AHCY: variants seen among roughly 807,000 people sequenced by gnomAD.
AHCY encodes the protein S-adenosyl-L-homocysteine hydrolase.
In AHCY, 24 loss-of-function variants were observed where a neutral mutation model predicts 45.4. That is an observed-to-expected ratio of 0.53 (90% CI 0.38 to 0.74). The LOEUF (loss-of-function observed/expected upper bound fraction) is 0.74. Ranked by LOEUF, AHCY falls within the 30% of genes least tolerant of loss-of-function variation. The pLI, the probability that AHCY is intolerant of heterozygous loss-of-function variation, is 0.00. For missense variants in AHCY, 449 were observed against 594.1 expected (o/e 0.76, Z 2.54); for synonymous variants, 245 against 235.1 (o/e 1.04, Z -0.39).
chr20:34,282,115 G>GA (rs2036024461), intron 9 of AHCY, among the ~76,000 whole-genome samples: 1 of 145,834 alleles, frequency 6.9e-6, no homozygotes, highest in East Asian at 2.3e-4. Flanking sequence ...CCACCCCACC[G>GA]AGTGATTCCT....
chr20:34,301,571 A>G (rs564155455), intron 1 of AHCY, among the ~76,000 whole-genome samples: 30 of 152,302 alleles, frequency 2.0e-4, no homozygotes, highest in African/African-American at 7.2e-4. Flanking sequence ...AGATAATGCC[A>G]TATGATCAAG....
intron 1 of AHCY, among the ~76,000 whole-genome samples, chr20:34,309,317 C>G (rs1052959847): frequency 5.9e-5 from 9 of 152,160 alleles, no homozygotes; most frequent in African/African-American, 2.2e-4. Context: ...GCTCTGTTTT[C>G]CATACATACA....
chr20:34,262,084 G>T, the AHCY span, among the ~76,000 whole-genome samples: 1 of 151,974 alleles, frequency 6.6e-6, no homozygotes, highest in Non-Finnish European at 1.5e-5. Context: ...CTGTACTCCA[G>T]CCTGGGCAAC....
At chr20:34,308,505 ATGCCACTGCACTCCAGACTTGGT>A (rs2036917060) in intron 1 of AHCY, among the ~76,000 whole-genome samples, 1 of 152,150 alleles carries the variant, frequency 6.6e-6, no homozygotes, top group Non-Finnish European at 1.5e-5. Context: ...AGCCAAGATT[ATGCCACTGCACTCCAGACTTGGT>A]GACAGAGAGA....
At chr20:34,306,017 T>C (rs183731052), upstream of AHCY, among the ~76,000 whole-genome samples, 14 of 145,988 alleles carry the variant, frequency 9.6e-5, 1 homozygote, top group East Asian at 2.6e-3. Flanking sequence ...AGGAGGCGGA[T>C]GTTGCATTGA....
intron 9 of AHCY, among the ~76,000 whole-genome samples, chr20:34,284,452 G>A (rs961246223): frequency 2.0e-5 from 3 of 152,206 alleles, no homozygotes; most frequent in East Asian, 3.9e-4. Flanking sequence ...GTGAGCCACC[G>A]CGCCTGGCCA....
the AHCY span, among the ~76,000 whole-genome samples, chr20:34,265,907 A>T: frequency 6.6e-6 from 1 of 150,770 alleles, no homozygotes; most frequent in African/African-American, 2.4e-5. Context: ...CCAAGATCAC[A>T]CCACTGCACC....
At chr20:34,257,756 T>A in the AHCY span, among the ~76,000 whole-genome samples, 1 of 152,204 alleles carries the variant, frequency 6.6e-6, no homozygotes. Context: ...TAGGACCCAG[T>A]CCTGTACTAA....
the AHCY span, among the ~76,000 whole-genome samples, chr20:34,242,324 C>T: frequency 6.6e-6 from 1 of 152,164 alleles, no homozygotes; most frequent in Non-Finnish European, 1.5e-5. Flanking sequence ...CCTCTGCCTC[C>T]TGAGTTCAAA....
rs1442052232 is a variant in AHCY at position 34,295,525 on chromosome 20, G to A, written c.89C>T (p.Pro30Leu). The part of the protein sequence containing the change: ...KALDIAENEM[P>L]GLMRMRERYS... ...CCGCTCCCGCATACGCATCAGGCCCGGCATCTCGTTCTCAGCAATGTCCAG... is the reference window on the plus strand; with the variant it reads ...CCGCTCCCGCATACGCATCAGGCCCAGCATCTCGTTCTCAGCAATGTCCAG... Residue 30 changes from proline to leucine, a missense_variant, in exon 2 of 10, where the codon CCG becomes CTG. Physicochemically the swap from Pro to Leu is moderately conservative, Grantham distance 98. Transcript: ENST00000217426. The A allele has an allele frequency of 5.6e-6, 9 of 1,613,988 alleles. No homozygotes were observed. The highest frequency in any genetic ancestry group is 2.2e-5 in the South Asian group (2 of 91,084).
At chr20:34,291,667 C>A in intron 4 of AHCY, 136 bp from the exon 5 acceptor site, 2 of 803,954 alleles carry the variant, frequency 2.5e-6, no homozygotes, top group Non-Finnish European at 4.2e-6. Flanking sequence ...CCCCCAATCA[C>A]CCAGACCCGC....
At chr20:34,310,716 A>G (rs1321226994) in intron 1 of AHCY, among the ~76,000 whole-genome samples, 1 of 152,246 alleles carries the variant, frequency 6.6e-6, no homozygotes, top group African/African-American at 2.4e-5. Context: ...TGAGCTGTTT[A>G]TCTAACAATA....
intron 1 of AHCY, among the ~76,000 whole-genome samples, chr20:34,296,567 TA>T (rs1436229224): frequency 6.6e-6 from 1 of 152,172 alleles, no homozygotes; most frequent in African/African-American, 2.4e-5. Flanking sequence ...AGAAGGATAT[TA>T]TTATGAGCTA....
In AHCY at chr20:34,295,516, A is replaced by G. The variant is rs764477494; in HGVS notation, c.98T>C (p.Met33Thr). 33 of 1,613,968 alleles carry G rather than the reference A, an allele frequency of 2.0e-5. No individual in the cohort carries two copies. In the East Asian group the frequency reaches 7.4e-4, roughly 36 times the overall value. Residue 33 changes from methionine to threonine, a missense_variant, in exon 2 of 10, where the codon ATG becomes ACG. By Grantham distance (81) the Met-to-Thr change is moderately conservative (BLOSUM62 -1). Transcript: ENST00000217426. ...DIAENEMPGL[M>T]RMRERYSASK... ...GGCCGAGTACCGCTCCCGCATACGCATCAGGCCCGGCATCTCGTTCTCAGC... is the reference window on the plus strand; with the variant it reads ...GGCCGAGTACCGCTCCCGCATACGCGTCAGGCCCGGCATCTCGTTCTCAGC...
Position 34,290,859 on chromosome 20 carries a change from C to A in AHCY, c.638G>T (p.Gly213Val). ...ATAGCCTGCTACCACCGCTACCTTG[C>A]CGGCAATCATCACATCTGTGGCCCG... ...IKRATDVMIAGKVAVVAGYGD... is the reference protein window; with the variant it reads ...IKRATDVMIAVKVAVVAGYGD... The change falls in exon 6 of 10, where the codon GGC becomes GTC. Residue 213 changes from glycine (G) to valine (V), a missense_variant. Gly to Val is a moderately radical substitution (Grantham distance 109, BLOSUM62 -3). Coordinates refer to ENST00000217426, the MANE Select transcript of AHCY (RefSeq NM_000687.4). The surrounding 1 kb of genome is among the most constrained non-coding windows in gnomAD (Gnocchi z 4.5). 6.2e-7 allele frequency: 1 copy of A among 1,614,194 alleles called. No homozygotes were observed. The highest frequency in any genetic ancestry group is 8.5e-7 in the Non-Finnish European group (1 of 1,180,040).
chr20:34,298,454 T>C (rs1485568436), intron 1 of AHCY, among the ~76,000 whole-genome samples: 1 of 152,146 alleles, frequency 6.6e-6, no homozygotes, highest in Non-Finnish European at 1.5e-5. Context: ...CCTTCTGTTA[T>C]GCCCGGACAG....
chr20:34,235,136 C>T, the AHCY span: 26 of 152,316 alleles, frequency 1.7e-4, no homozygotes, highest in South Asian at 4.2e-4. Flanking sequence ...GCAAAGTGAC[C>T]GAAGCTGTTA....
chr20:34,235,517 A>T, the AHCY span, among the ~76,000 whole-genome samples: 4 of 152,120 alleles, frequency 2.6e-5, no homozygotes, highest in Non-Finnish European at 4.4e-5. Context: ...TCTATATGGG[A>T]TATGGAGAAA....
At chr20:34,246,350 A>T in the AHCY span, 2 of 1,522,414 alleles carry the variant, frequency 1.3e-6, no homozygotes, top group African/African-American at 1.4e-5. Context: ...AAATTTTGCA[A>T]GTTCATTTAG....
Sources: gnomAD v4.1 joint callset for allele counts (sites outside exome capture counted in the v4.1 genomes callset) on GRCh38, gnomAD v4.1.1 for gene constraint, Gnocchi (gnomAD v3.1) non-coding constraint, MANE v1.5 for transcripts, NCBI Gene and HGNC (gene_info 2026-07-23, HGNC 2026-07-21) for gene names.